ABLIM1: variants seen among roughly 807,000 people sequenced by gnomAD.
ABLIM1 encodes the protein actin binding LIM protein 1.
In ABLIM1, 40 loss-of-function variants were observed where a neutral mutation model predicts 107.0. That is an observed-to-expected ratio of 0.37 (90% confidence interval 0.29 to 0.49). ABLIM1 has a LOEUF of 0.49. Ranked by LOEUF, ABLIM1 falls within the 20% of genes least tolerant of loss-of-function variation. The pLI, the probability that ABLIM1 is intolerant of heterozygous loss-of-function variation, is 0.97. For missense variants in ABLIM1, 857 were observed against 1,008.5 expected (o/e 0.85, Z 2.04); for synonymous variants, 357 against 357.3 (o/e 1.00, Z 0.01).
intron 6 of ABLIM1, among the ~76,000 whole-genome samples, chr10:114,514,400 G>T (rs1192930498): frequency 1.3e-5 from 2 of 152,096 alleles, no homozygotes; most frequent in Admixed American, 1.3e-4. Context: ...GTGAGACAGG[G>T]TCTCACTATG....
At chr10:114,712,129 G>T (rs116118938) in intron 1 of ABLIM1, among the ~76,000 whole-genome samples, 1 of 152,010 alleles carries the variant, frequency 6.6e-6, no homozygotes, top group Non-Finnish European at 1.5e-5. Flanking sequence ...AAGGTGGTTG[G>T]ATCATTTGAG....
the ABLIM1 span, among the ~76,000 whole-genome samples, chr10:114,788,514 G>A: frequency 3.3e-5 from 5 of 151,226 alleles, no homozygotes; most frequent in Non-Finnish European, 5.9e-5. Flanking sequence ...GATCACCTGA[G>A]GTCAGGAGTT....
intron 6 of ABLIM1, among the ~76,000 whole-genome samples, chr10:114,511,038 G>A (rs2061787330): frequency 6.6e-6 from 1 of 152,094 alleles, no homozygotes; most frequent in Admixed American, 6.5e-5. Flanking sequence ...GTAGTGCCTT[G>A]AACTTATCAA....
rs891214783 is a variant in ABLIM1, at chr10:114,575,486, C to A, written c.493G>T (p.Val165Leu). ...GTRCHGCGEF[V>L]EGEVVTALGK... ...AGAGCAGTCACCACTTCGCCCTCCACGAACTCCCCACAGCCATGGCAGCGT... is the reference window on the plus strand; with the variant it reads ...AGAGCAGTCACCACTTCGCCCTCCAAGAACTCCCCACAGCCATGGCAGCGT... Residue 165 changes from valine to leucine, a missense_variant, in exon 3 of 23, where the codon GTG becomes TTG. Transcript: ENST00000533213. 1.8e-5 allele frequency: 29 copies of A among 1,614,086 alleles called. No individual in the cohort carries two copies. The highest frequency in any genetic ancestry group is 5.0e-5 in the Admixed American group (3 of 60,004).
chr10:114,466,476 A>T (rs894611078), intron 11 of ABLIM1, among the ~76,000 whole-genome samples: 3 of 152,126 alleles, frequency 2.0e-5, no homozygotes, highest in Non-Finnish European at 4.4e-5. Context: ...GGTAGGTCAC[A>T]TACTATCACC....
At chr10:114,793,765 TCA>T in the ABLIM1 span, among the ~76,000 whole-genome samples, 2 of 152,200 alleles carry the variant, frequency 1.3e-5, no homozygotes, top group African/African-American at 2.4e-5. Context: ...TGCCAAACTT[TCA>T]CAGAGCTGTA....
At chr10:114,472,892 C>T (rs1431850313) in intron 10 of ABLIM1, 85 bp downstream of exon 10, 3 of 1,356,290 alleles carry the variant, frequency 2.2e-6, no homozygotes, top group African/African-American at 1.5e-5. Context: ...CCTGATTTAC[C>T]TGAACTCCAA....
chr10:114,592,406 A>G (rs2139652192), intron 2 of ABLIM1, among the ~76,000 whole-genome samples: 1 of 152,248 alleles, frequency 6.6e-6, no homozygotes, highest in Middle Eastern at 3.4e-3. Context: ...GTGAAACAGG[A>G]AGAAAATGGT....
intron 6 of ABLIM1, among the ~76,000 whole-genome samples, chr10:114,503,748 G>C (rs1342693858): frequency 6.6e-6 from 1 of 152,136 alleles, no homozygotes; most frequent in African/African-American, 2.4e-5. Context: ...GATTCTCAAA[G>C]TGTTTTTCTA....
chr10:114,583,314 A>C (rs1414048778), intron 2 of ABLIM1, among the ~76,000 whole-genome samples: 1 of 150,132 alleles, frequency 6.7e-6, no homozygotes, highest in Non-Finnish European at 1.5e-5. Flanking sequence ...ACCATATCAC[A>C]TCAGTCCAAA....
At chr10:114,596,230 C>T (rs2075400341) in intron 2 of ABLIM1, among the ~76,000 whole-genome samples, 1 of 152,228 alleles carries the variant, frequency 6.6e-6, no homozygotes, top group South Asian at 2.1e-4. Context: ...TCCCCTGTGG[C>T]CCTCCTGGCC....
At chr10:114,763,635 T>A (rs2082805841) in intron 1 of ABLIM1, among the ~76,000 whole-genome samples, 1 of 152,134 alleles carries the variant, frequency 6.6e-6, no homozygotes, top group Admixed American at 6.5e-5. Flanking sequence ...CATGCTGCCT[T>A]GGCCTCCCAA....
intron 8 of ABLIM1, among the ~76,000 whole-genome samples, chr10:114,485,590 T>G (rs978780621): frequency 6.6e-6 from 1 of 152,152 alleles, no homozygotes; most frequent in Admixed American, 6.5e-5. Flanking sequence ...TACAGTAAAT[T>G]TATCTAAGCT....
intron 1 of ABLIM1, among the ~76,000 whole-genome samples, chr10:114,754,401 A>G (rs2082585828): frequency 6.6e-6 from 1 of 152,248 alleles, no homozygotes; most frequent in African/African-American, 2.4e-5. Context: ...GGATCTGGAA[A>G]TACACATGTA....
chr10:114,753,933 C>A (rs962888833), intron 1 of ABLIM1, among the ~76,000 whole-genome samples: 1 of 152,196 alleles, frequency 6.6e-6, no homozygotes, highest in Non-Finnish European at 1.5e-5. Context: ...CTCACTGCAA[C>A]CTCCACCTCC....
chr10:114,535,394 T>C (rs553980165), intron 6 of ABLIM1, among the ~76,000 whole-genome samples: 4 of 152,280 alleles, frequency 2.6e-5, no homozygotes, highest in African/African-American at 4.8e-5. Context: ...CACCGCAGCC[T>C]CTGCCTCCCA....
At chr10:114,684,194 T>C in intron 1 of ABLIM1, 1 of 1,284,054 alleles carries the variant, frequency 7.8e-7, no homozygotes, top group South Asian at 1.6e-5. Context: ...AAAACAATTT[T>C]ATCAAATGGA....
chr10:114,561,182 C>T (rs1049930003), intron 4 of ABLIM1, among the ~76,000 whole-genome samples: 4 of 152,176 alleles, frequency 2.6e-5, no homozygotes, highest in Non-Finnish European at 4.4e-5. Context: ...CTAGCATACC[C>T]GGGCTCTGGC....
chr10:114,460,469 C>T (rs781620700), intron 12 of ABLIM1, among the ~76,000 whole-genome samples: 27 of 152,166 alleles, frequency 1.8e-4, no homozygotes, highest in Non-Finnish European at 2.8e-4. Flanking sequence ...GGCGTGGTGG[C>T]GCACGCCTGT....
Sources: gnomAD v4.1 joint callset for allele counts (sites outside exome capture counted in the v4.1 genomes callset) on GRCh38, gnomAD v4.1.1 for gene constraint, MANE v1.5 for transcripts, NCBI Gene and HGNC (gene_info 2026-07-23, HGNC 2026-07-21) for gene names.